GABRA3: variants seen among roughly 807,000 people sequenced by gnomAD.
GABRA3 encodes gamma-aminobutyric acid receptor subunit alpha-3.
A neutral mutation model predicts 30.1 loss-of-function variants in GABRA3; 10 were observed. The ratio of observed to expected loss-of-function variants is 0.33; its 90% CI spans 0.20 to 0.56. The LOEUF (loss-of-function observed/expected upper bound fraction) is 0.56, where lower values mean the gene tolerates loss of function less well. GABRA3 is among the 20% of genes least tolerant of loss of function. The probability of loss-of-function intolerance (pLI) is 0.89; values close to 1 mark genes in which losing one functional copy is unlikely to be tolerated. For synonymous variants in GABRA3, 151 were observed against 146.8 expected (o/e 1.03, Z -0.21); for missense variants, 233 against 392.0 (o/e 0.59, Z 3.42).
intron 1 of GABRA3, among the ~76,000 whole-genome samples, chrX:152,427,044 C>T (rs1215289406): frequency 3.6e-5 from 4 of 111,559 alleles, no homozygotes; most frequent in South Asian, 3.8e-4. Context: ...TAACCCAATA[C>T]GGCAGGTATG....
intron 7 of GABRA3, among the ~76,000 whole-genome samples, chrX:152,200,700 C>T (rs1256939539): frequency 2.7e-5 from 3 of 111,416 alleles, no homozygotes; most frequent in Non-Finnish European, 5.6e-5. Flanking sequence ...TTAATCCTAT[C>T]TCTGATCATG....
At chrX:152,181,292 C>A (rs1372612590) in intron 9 of GABRA3, among the ~76,000 whole-genome samples, 1 of 111,403 alleles carries the variant, frequency 9.0e-6, no homozygotes, top group African/African-American at 3.3e-5. Context: ...ATTTTTTGTA[C>A]TTATTGTGAA....
At chrX:152,175,249 GA>G (rs1179278771) in intron 9 of GABRA3, among the ~76,000 whole-genome samples, 1 of 102,439 alleles carries the variant, frequency 9.8e-6, no homozygotes, top group Non-Finnish European at 2.0e-5. Context: ...AATAGCAATG[GA>G]TTTTTTTTTT....
intron 1 of GABRA3, among the ~76,000 whole-genome samples, chrX:152,445,949 G>A (rs1393590017): frequency 8.9e-6 from 1 of 111,894 alleles, no homozygotes; most frequent in Non-Finnish European, 1.9e-5. Flanking sequence ...AATAGAGAGA[G>A]TTGGAGGACC....
chrX:152,197,234 C>G (rs1053745788), intron 8 of GABRA3, among the ~76,000 whole-genome samples: 12 of 111,518 alleles, frequency 1.1e-4, no homozygotes, highest in Non-Finnish European at 2.1e-4. Context: ...AGAGAAGAAG[C>G]CACAAAGTCA....
intron 1 of GABRA3, among the ~76,000 whole-genome samples, chrX:152,444,837 G>A (rs1467401568): frequency 2.2e-5 from 2 of 90,891 alleles, no homozygotes; most frequent in African/African-American, 3.9e-5. Flanking sequence ...CGAGGCGGGC[G>A]GATCACGAGG....
chrX:152,349,488 C>T (rs1170797834), intron 2 of GABRA3, among the ~76,000 whole-genome samples: 1 of 108,457 alleles, frequency 9.2e-6, no homozygotes, highest in Non-Finnish European at 1.9e-5. Flanking sequence ...ACTAAGTGCT[C>T]CAATTAAAAG....
intron 3 of GABRA3, among the ~76,000 whole-genome samples, chrX:152,303,639 G>A (rs907498073): frequency 1.8e-5 from 2 of 111,821 alleles, no homozygotes; most frequent in African/African-American, 3.3e-5. Flanking sequence ...CCATAAAAAT[G>A]AAAGAGTTTA....
intron 5 of GABRA3, among the ~76,000 whole-genome samples, chrX:152,228,828 T>C (rs918603124): frequency 1.8e-5 from 2 of 111,051 alleles, no homozygotes; most frequent in African/African-American, 6.5e-5. Context: ...ATAGAGACAA[T>C]ATCCCCTTCC....
intron 3 of GABRA3, among the ~76,000 whole-genome samples, chrX:152,334,404 A>G (rs1293149888): frequency 1.8e-5 from 2 of 112,108 alleles, no homozygotes; most frequent in Admixed American, 9.5e-5. Flanking sequence ...TTGCACAGGA[A>G]GAATTAAAAT....
intron 2 of GABRA3, among the ~76,000 whole-genome samples, chrX:152,360,726 T>A (rs1321621742): frequency 3.4e-3 from 155 of 45,585 alleles, no homozygotes; most frequent in Middle Eastern, 0.012. Flanking sequence ...AAAAAAAAAT[T>A]AAAAAAAAAA....
chrX:152,399,598 T>C (rs1929743567), intron 1 of GABRA3, among the ~76,000 whole-genome samples: 1 of 111,767 alleles, frequency 8.9e-6, no homozygotes, highest in Non-Finnish European at 1.9e-5. Flanking sequence ...ATGTGTGGTC[T>C]CACAAGCCAC....
chrX:152,398,786 T>C, intron 1 of GABRA3, among the ~76,000 whole-genome samples: 1 of 111,439 alleles, frequency 9.0e-6, no homozygotes, highest in Middle Eastern at 4.7e-3. Context: ...AAAAAAAGCA[T>C]ACAACCATGT....
chrX:152,343,447 C>CAAAAAA, intron 3 of GABRA3, among the ~76,000 whole-genome samples: 1 of 89,011 alleles, frequency 1.1e-5, no homozygotes, highest in Non-Finnish European at 2.3e-5. Flanking sequence ...ACCTCAAATC[C>CAAAAAA]AAAAAAAAAA....
chrX:152,248,126 C>A (rs1938489764), intron 5 of GABRA3, among the ~76,000 whole-genome samples: 1 of 110,929 alleles, frequency 9.0e-6, no homozygotes, highest in South Asian at 3.8e-4. Context: ...GGACCTCTGT[C>A]ATTCCTTCCT....
intron 3 of GABRA3, among the ~76,000 whole-genome samples, chrX:152,323,327 G>A (rs1940000815): frequency 9.0e-6 from 1 of 111,415 alleles, no homozygotes; most frequent in Non-Finnish European, 1.9e-5. Context: ...GTCAGTTCTA[G>A]TACAAGTAGC....
intron 7 of GABRA3, among the ~76,000 whole-genome samples, chrX:152,207,518 C>T (rs1407449325): frequency 1.8e-5 from 2 of 111,941 alleles, no homozygotes; most frequent in Non-Finnish European, 3.8e-5. Context: ...TTCTGAGTTA[C>T]GTGATCCCCT....
intron 5 of GABRA3, among the ~76,000 whole-genome samples, chrX:152,241,682 G>C (rs1357492841): frequency 9.1e-6 from 1 of 109,511 alleles, no homozygotes; most frequent in African/African-American, 3.3e-5. Context: ...GACCCTCTGA[G>C]CCAGGTGTGG....
intron 3 of GABRA3, among the ~76,000 whole-genome samples, chrX:152,291,454 C>A (rs1407251348): frequency 8.9e-6 from 1 of 111,759 alleles, no homozygotes; most frequent in Non-Finnish European, 1.9e-5. Flanking sequence ...ACGTCATCTG[C>A]AAACAGGGAC....
Sources: gnomAD v4.1 joint callset for allele counts (sites outside exome capture counted in the v4.1 genomes callset) on GRCh38, gnomAD v4.1.1 for gene constraint, MANE v1.5 for transcripts, NCBI Gene and HGNC (gene_info 2026-07-23, HGNC 2026-07-21) for gene names.